The following PCNX2 variants were observed in gnomAD, a reference collection of about 807,000 sequenced individuals.
The protein encoded by PCNX2 is pecanex 2.
PCNX2 carries 168 observed loss-of-function variants against 223.8 expected under a neutral mutation model. That is an observed-to-expected ratio of 0.75 (90% CI 0.66 to 0.85). PCNX2 has a LOEUF of 0.85. PCNX2 is among the 40% of genes least tolerant of loss of function. The pLI, the probability that PCNX2 is intolerant of heterozygous loss-of-function variation, is 0.00. For missense variants in PCNX2, 2,507 were observed against 2,675.5 expected, an observed-to-expected ratio of 0.94 and a Z score of 1.39; for synonymous variants, 1,006 against 1,052.6, an observed-to-expected ratio of 0.96 and a Z score of 0.86.
chr1:233,041,581 A>G (rs1328858952), intron 25 of PCNX2, among the ~76,000 whole-genome samples: 1 of 152,120 alleles, frequency 6.6e-6, no homozygotes, highest in East Asian at 1.9e-4. Flanking sequence ...CTTCCCACCT[A>G]AATAAATAAA....
At chr1:233,172,951 C>T (rs915615440) in intron 17 of PCNX2, among the ~76,000 whole-genome samples, 10 of 152,230 alleles carry the variant, frequency 6.6e-5, no homozygotes, top group South Asian at 2.1e-4. Context: ...TGGTGTCTGG[C>T]GAGGGACTAG....
chr1:233,241,618 C>T (rs1015890278), intron 8 of PCNX2, among the ~76,000 whole-genome samples: 7 of 152,158 alleles, frequency 4.6e-5, no homozygotes, highest in African/African-American at 9.7e-5. Context: ...GCACCAAGAA[C>T]CCACACAAGT....
In PCNX2 at chr1:233,245,697, G is replaced by A. The variant is rs12727078; in HGVS notation, c.2222+5042C>T. ...TGAGAGGCCAAGGCAGGCGGATCACGAGGTGAGGAGATTGAGACCATCCTG... is the reference window on the plus strand; with the variant it reads ...TGAGAGGCCAAGGCAGGCGGATCACAAGGTGAGGAGATTGAGACCATCCTG... On this transcript the variant is annotated intron_variant, in intron 8 of 33. Coordinates refer to ENST00000258229, the MANE Select transcript of PCNX2 (RefSeq NM_014801.4). Among the ~76,000 whole-genome samples, 1,184 of 152,220 alleles carry A rather than the reference G, an allele frequency of 7.8e-3. 7 individuals are homozygous for A. The highest frequency in any genetic ancestry group is 9.8e-3 in the Non-Finnish European group (665 of 68,014).
intron 5 of PCNX2, among the ~76,000 whole-genome samples, chr1:233,254,688 C>T (rs369677992): frequency 7.3e-5 from 11 of 150,900 alleles, no homozygotes; most frequent in Admixed American, 2.6e-4. Flanking sequence ...GTCTCTTTTT[C>T]CTAGATATAC....
rs560495817 is a variant in PCNX2, at chr1:233,074,519, C to T, written c.4076+15542G>A. Among the ~76,000 whole-genome samples, 199 of 136,008 alleles carry T rather than the reference C, an allele frequency of 1.5e-3. 1 individual carries two copies. The highest frequency in any genetic ancestry group is 8.4e-3 in the Middle Eastern group (2 of 238). The allele number at this position is 136,008 out of a possible 152,430, so 89.2% of individuals were successfully genotyped here. A position where few individuals can be genotyped will look rare whatever the true frequency, so the allele number is the denominator to read the frequency against. On this transcript the variant is annotated intron_variant, in intron 23 of 33. Coordinates refer to ENST00000258229, the MANE Select transcript of PCNX2 (RefSeq NM_014801.4). ...CTGAGGCAGGAGAATGGCGTGAACC[C>T]GGGAGGCGGAGCTTGCAGTGAGCCG...
chr1:233,065,234 C>T (rs560533881), intron 23 of PCNX2, among the ~76,000 whole-genome samples: 48 of 152,272 alleles, frequency 3.2e-4, no homozygotes, highest in Non-Finnish European at 3.8e-4. Context: ...TGTAAACATA[C>T]ATGTGTGCTC....
At chr1:233,322,236 C>T in the PCNX2 span, among the ~76,000 whole-genome samples, 2 of 152,062 alleles carry the variant, frequency 1.3e-5, no homozygotes, top group Non-Finnish European at 2.9e-5. Context: ...ATTTGCCACC[C>T]GATTTCTGTC....
Position 232,984,195 on chromosome 1 carries a change from C to T in PCNX2, c.*109G>A. On this transcript the variant is annotated 3_prime_UTR_variant, in exon 34 of 34. Coordinates refer to ENST00000258229, the MANE Select transcript of PCNX2 (RefSeq NM_014801.4). ...GCTCTCCTTTTCCACAGGAGGAGTCCCTCATGGATCGCGGTATTGGTTGGT... is the reference window on the plus strand; with the variant it reads ...GCTCTCCTTTTCCACAGGAGGAGTCTCTCATGGATCGCGGTATTGGTTGGT... 1 of 991,278 alleles carries T rather than the reference C, an allele frequency of 1.0e-6. No homozygotes were observed. The highest frequency in any genetic ancestry group is 1.3e-6 in the Non-Finnish European group (1 of 742,266). 61.4% of individuals were successfully genotyped at this position (991,278 alleles called of 1,614,324 possible). A position where few individuals can be genotyped will look rare whatever the true frequency, so the allele number is the denominator to read the frequency against.
chr1:233,272,682 A>T (rs186061074), intron 1 of PCNX2, among the ~76,000 whole-genome samples: 4 of 152,354 alleles, frequency 2.6e-5, no homozygotes, highest in Admixed American at 6.5e-5. Context: ...TATGAAAAAG[A>T]TACTTGCACA....
At chr1:233,072,606 G>A (rs527525488) in intron 23 of PCNX2, among the ~76,000 whole-genome samples, 6 of 152,230 alleles carry the variant, frequency 3.9e-5, no homozygotes, top group African/African-American at 9.6e-5. Flanking sequence ...TTATCACAAC[G>A]TAGTGTTGTA....
chr1:232,995,818 G>A (rs1669854790), intron 32 of PCNX2, among the ~76,000 whole-genome samples: 2 of 152,140 alleles, frequency 1.3e-5, no homozygotes, highest in African/African-American at 4.8e-5. Context: ...GCTCTTCCAG[G>A]CAAGGCCAGT....
At chr1:233,148,886 G>C (rs1277845995) in intron 19 of PCNX2, among the ~76,000 whole-genome samples, 1 of 152,222 alleles carries the variant, frequency 6.6e-6, no homozygotes, top group Non-Finnish European at 1.5e-5. Flanking sequence ...GTAAGAAGAA[G>C]CTAAAACAAA....
intron 21 of PCNX2, among the ~76,000 whole-genome samples, chr1:233,106,016 G>T (rs537264257): frequency 1.3e-5 from 2 of 152,298 alleles, no homozygotes; most frequent in African/African-American, 4.8e-5. Flanking sequence ...GATGTATGGG[G>T]AGGTGGGCCA....
intron 19 of PCNX2, among the ~76,000 whole-genome samples, chr1:233,157,743 C>T (rs536496595): frequency 1.3e-5 from 2 of 152,128 alleles, no homozygotes; most frequent in Non-Finnish European, 2.9e-5. Flanking sequence ...ACAGATGGCA[C>T]CAGAATGGGT....
intron 15 of PCNX2, among the ~76,000 whole-genome samples, chr1:233,189,391 C>G (rs1680293007): frequency 6.6e-6 from 1 of 152,144 alleles, no homozygotes; most frequent in Non-Finnish European, 1.5e-5. Context: ...ATTTATACTT[C>G]AAGTGTGGTA....
chr1:233,237,226 T>A (rs1658478606), intron 8 of PCNX2, among the ~76,000 whole-genome samples: 1 of 152,188 alleles, frequency 6.6e-6, no homozygotes, highest in Admixed American at 6.5e-5. Flanking sequence ...ATAGGGCAGG[T>A]AGGTAGATGC....
At chr1:233,158,843 G>A (rs1678288400) in intron 19 of PCNX2, among the ~76,000 whole-genome samples, 3 of 152,162 alleles carry the variant, frequency 2.0e-5, no homozygotes, top group Admixed American at 2.0e-4. Context: ...AATATAACCT[G>A]AAGGCTGCAG....
At chr1:233,291,918 T>C (rs998535314) in intron 1 of PCNX2, 24 of 985,326 alleles carry the variant, frequency 2.4e-5, no homozygotes, top group Middle Eastern at 5.2e-4. Context: ...CATGCCCATA[T>C]GCCCCTGCTG....
chr1:233,215,163 C>A (rs904650644), intron 12 of PCNX2, among the ~76,000 whole-genome samples: 1 of 152,158 alleles, frequency 6.6e-6, no homozygotes, highest in Non-Finnish European at 1.5e-5. Flanking sequence ...CGATCCTGAC[C>A]ATCTCCTTTC....
Sources: gnomAD v4.1 joint callset for allele counts (sites outside exome capture counted in the v4.1 genomes callset) on GRCh38, gnomAD v4.1.1 for gene constraint, MANE v1.5 for transcripts, NCBI Gene and HGNC (gene_info 2026-07-23, HGNC 2026-07-21) for gene names.